Variants in HMOX2 observed in about 807,000 individuals in gnomAD.
HMOX2 encodes heme oxygenase (decycling) 2.
In HMOX2, 30 loss-of-function variants were observed where a neutral mutation model predicts 33.7. The ratio of observed to expected loss-of-function variants is 0.89; its 90% CI spans 0.67 to 1.21. The LOEUF is 1.21. HMOX2 is among the 50% of genes most tolerant of loss of function. HMOX2 has a pLI of 0.00. For synonymous variants in HMOX2, 155 were observed against 155.0 expected, an observed-to-expected ratio of 1.00 and a Z score of 0.00; for missense variants, 403 against 399.1, an observed-to-expected ratio of 1.01 and a Z score of -0.08.
chr16:4,502,420 G>C (rs1334622980), intron 1 of HMOX2, among the ~76,000 whole-genome samples: 1 of 152,210 alleles, frequency 6.6e-6, no homozygotes, highest in Admixed American at 6.5e-5. Context: ...TTGGTAACCT[G>C]GGCCATGGAT....
At chr16:4,503,684 G>A (rs1819551954) in intron 1 of HMOX2, among the ~76,000 whole-genome samples, 1 of 152,156 alleles carries the variant, frequency 6.6e-6, no homozygotes, top group African/African-American at 2.4e-5. Context: ...TAAATCTAAA[G>A]GTGAGAGAGA....
chr16:4,475,223 G>A (rs1201913207), upstream of HMOX2, among the ~76,000 whole-genome samples: 1 of 152,094 alleles, frequency 6.6e-6, no homozygotes, highest in African/African-American at 2.4e-5. Flanking sequence ...AAAGTGCTGG[G>A]AGTACAGGTG....
At position 4,508,141 on chromosome 16, in the gene HMOX2, G is replaced by A; in HGVS notation, c.633G>A (p.Leu211=). 3.7e-6 allele frequency: 6 copies of A among 1,614,002 alleles called. No homozygotes were observed. The highest frequency in any genetic ancestry group is 5.1e-6 in the Non-Finnish European group (6 of 1,179,952). Residue 211 remains leucine (L), a synonymous_variant, in exon 4 of 6, where the codon CTG becomes CTA. Coordinates refer to ENST00000570646, the MANE Select transcript of HMOX2 (RefSeq NM_002134.4). The part of the protein sequence containing the change: ...LYRARMNALD[L]NMKTKERIVE... ...GGGCCAGGATGAACGCCCTGGACCT[G>A]AACATGAAGACCAAAGAGAGGATCG...
intron 1 of HMOX2, among the ~76,000 whole-genome samples, chr16:4,492,062 G>C (rs1439464398): frequency 6.6e-6 from 1 of 152,060 alleles, no homozygotes; most frequent in African/African-American, 2.4e-5. Flanking sequence ...CTACACTAGG[G>C]GCCAGGTGTG....
rs141850509 is a variant in HMOX2, at chr16:4,507,972, C to T, written c.464C>T (p.Thr155Ile). 11 of 1,613,810 alleles carry T rather than the reference C, an allele frequency of 6.8e-6. No individual in the cohort carries two copies. The highest frequency in any genetic ancestry group is 2.2e-5 in the East Asian group (1 of 44,882). The change falls in exon 4 of 6, where the codon ACC (threonine) becomes ATC (isoleucine). Residue 155 changes from threonine to isoleucine, a missense_variant. Physicochemically the swap from Thr to Ile is moderately conservative, Grantham distance 89. Coordinates refer to ENST00000570646, the MANE Select transcript of HMOX2 (RefSeq NM_002134.4). ...EPELLVAHAYTRYMGDLSGGQ... is the reference protein window; with the variant it reads ...EPELLVAHAYIRYMGDLSGGQ... ...GAGCTACTGGTGGCCCATGCATACA[C>T]CCGCTACATGGGGGATCTCTCGGGG...
At chr16:4,479,115 C>T (rs985614565) in intron 1 of HMOX2, among the ~76,000 whole-genome samples, 2 of 152,144 alleles carry the variant, frequency 1.3e-5, no homozygotes, top group Non-Finnish European at 2.9e-5. Flanking sequence ...CATGCCATTG[C>T]ACTCCAGCCT....
chr16:4,509,489 G>C lies in HMOX2; in HGVS notation c.774G>C (p.Gly258=), dbSNP rs778716457. 4.3e-6 allele frequency: 7 copies of C among 1,614,088 alleles called. No individual in the cohort carries two copies. The highest frequency in any genetic ancestry group is 2.2e-5 in the East Asian group (1 of 44,898). Residue 258 remains glycine, a synonymous_variant, in exon 5 of 6, where the codon GGG becomes GGC. Transcript: ENST00000570646. ...AGGATGGGTTCCCTGTACACGATGG[G>C]AAAGGAGACATGCGTAAATGCCCTT... ...TLEDGFPVHD[G]KGDMRKCPFY... is the part of the protein sequence containing the mutation.
chr16:4,501,361 A>G (rs1372192662), intron 1 of HMOX2, among the ~76,000 whole-genome samples: 1 of 152,330 alleles, frequency 6.6e-6, no homozygotes, highest in Middle Eastern at 3.4e-3. Context: ...AGGCTTTTCC[A>G]TGCATGAACA....
chr16:4,476,497 C>G lies in HMOX2; in HGVS notation c.-42+10C>G, dbSNP rs975356617. The G allele has an allele frequency of 3.3e-5, 5 of 152,278 alleles. No individual in the cohort carries two copies. Among genetic ancestry groups the G allele is most frequent in the African/African-American group, 1.2e-4 (5 of 41,462 alleles). The allele number at this position is 152,278 out of a possible 1,614,324, so 9.4% of individuals were successfully genotyped here. A position where few individuals can be genotyped will look rare whatever the true frequency, so the allele number is the denominator to read the frequency against. On this transcript the variant is annotated intron_variant, in intron 1 of 5. Transcript: ENST00000570646. ...CAGCGACCTGCGGCAGGTGAGCTGTCCGCGCCCTCCCGGGGCCTTCCTTCC... is the reference window on the plus strand; with the variant it reads ...CAGCGACCTGCGGCAGGTGAGCTGTGCGCGCCCTCCCGGGGCCTTCCTTCC...
chr16:4,489,231 TC>T (rs2058248958), intron 1 of HMOX2, among the ~76,000 whole-genome samples: 1 of 152,184 alleles, frequency 6.6e-6, no homozygotes, highest in African/African-American at 2.4e-5. Flanking sequence ...AGTGAGTTAC[TC>T]GAGCACAAAG....
chr16:4,505,452 T>C, intron 1 of HMOX2, 32 bp from the exon 2 acceptor site: 1 of 1,119,860 alleles, frequency 8.9e-7, no homozygotes, highest in South Asian at 1.4e-5. Flanking sequence ...CTGCCGTGGG[T>C]GCCACATCAC....
chr16:4,486,496 A>T (rs1053249773), intron 1 of HMOX2, among the ~76,000 whole-genome samples: 1 of 152,202 alleles, frequency 6.6e-6, no homozygotes, highest in South Asian at 2.1e-4. Flanking sequence ...GCTCAGTACC[A>T]ATGCTGGGGA....
At chr16:4,502,975 C>G (rs907111467) in intron 1 of HMOX2, 1 of 152,230 alleles carries the variant, frequency 6.6e-6, no homozygotes, top group Non-Finnish European at 1.5e-5. Flanking sequence ...TGCCACCATG[C>G]CTGGCTAATT....
intron 1 of HMOX2, among the ~76,000 whole-genome samples, chr16:4,494,061 A>C (rs909386367): frequency 1.3e-5 from 2 of 152,212 alleles, no homozygotes; most frequent in African/African-American, 4.8e-5. Context: ...TCACGCCTGT[A>C]ATCCCAGCAC....
At chr16:4,497,270 AT>A (rs1567393331) in intron 1 of HMOX2, among the ~76,000 whole-genome samples, 1 of 152,130 alleles carries the variant, frequency 6.6e-6, no homozygotes, top group Non-Finnish European at 1.5e-5. Context: ...TGTTGGAATA[AT>A]TTTTGCTTGA....
At chr16:4,482,886 C>G (rs185172104) in intron 1 of HMOX2, among the ~76,000 whole-genome samples, 2 of 151,848 alleles carry the variant, frequency 1.3e-5, no homozygotes, top group Admixed American at 6.6e-5. Context: ...AAAAATTAGC[C>G]GGGTGTGGTC....
chr16:4,481,348 C>CAAAA (rs60035479), intron 1 of HMOX2, among the ~76,000 whole-genome samples: 3 of 114,042 alleles, frequency 2.6e-5, no homozygotes, highest in African/African-American at 6.6e-5. Context: ...GACTCCGTCT[C>CAAAA]AAAAAAAAAA....
chr16:4,485,992 G>T (rs538067353), intron 1 of HMOX2, among the ~76,000 whole-genome samples: 47 of 152,278 alleles, frequency 3.1e-4, no homozygotes, highest in Admixed American at 5.2e-4. Context: ...CCAAAGTGCT[G>T]GGATTACAGG....
At chr16:4,492,364 A>T (rs1033395442) in intron 1 of HMOX2, among the ~76,000 whole-genome samples, 4 of 151,892 alleles carry the variant, frequency 2.6e-5, no homozygotes, top group Non-Finnish European at 5.9e-5. Flanking sequence ...AATGGTTTAC[A>T]CTGAGGGTCA....
Sources: gnomAD v4.1 joint callset for allele counts (sites outside exome capture counted in the v4.1 genomes callset) on GRCh38, gnomAD v4.1.1 for gene constraint, MANE v1.5 for transcripts, NCBI Gene and HGNC (gene_info 2026-07-23, HGNC 2026-07-21) for gene names.